The following C11orf65 variants were observed in gnomAD, a reference collection of about 807,000 sequenced individuals.
C11orf65 encodes the protein protein MFI.
Under a neutral mutation model 35.3 loss-of-function variants are expected in C11orf65, and 38 were observed. That is an observed-to-expected ratio of 1.08 (90% CI 0.83 to 1.41). C11orf65 has a LOEUF of 1.41. C11orf65 is among the 40% of genes most tolerant of loss of function. The pLI is 0.00. For missense variants in C11orf65, 370 were observed against 367.1 expected, an observed-to-expected ratio of 1.01 and a Z score of -0.06; for synonymous variants, 105 against 114.4, an observed-to-expected ratio of 0.92 and a Z score of 0.53.
At chr11:108,405,402 TC>T (rs755426869) in intron 6 of C11orf65, 26 bp downstream of exon 6, 195 of 1,605,256 alleles carry the variant, frequency 1.2e-4, no homozygotes, top group Middle Eastern at 3.3e-4. Context: ...ACTACGTATT[TC>T]CTTAGTAAGT....
chr11:108,449,421 C>G (rs1344624445), intron 2 of C11orf65, among the ~76,000 whole-genome samples: 2 of 151,958 alleles, frequency 1.3e-5, no homozygotes, highest in Non-Finnish European at 2.9e-5. Flanking sequence ...CAGCATGGTA[C>G]TGGTACCAAA....
chr11:108,322,412 C>T (rs1037586150), intron 6 of C11orf65, among the ~76,000 whole-genome samples: 4 of 152,230 alleles, frequency 2.6e-5, no homozygotes, highest in African/African-American at 9.6e-5. Context: ...CTTCAGCCTC[C>T]CAAAGTGCTG....
intron 2 of C11orf65, among the ~76,000 whole-genome samples, chr11:108,438,618 G>T (rs1302951896): frequency 2.0e-5 from 3 of 151,968 alleles, no homozygotes; most frequent in African/African-American, 7.2e-5. Flanking sequence ...GAAAATATGG[G>T]GGAAAAGCTT....
chr11:108,416,581 G>C (rs1428521953), intron 3 of C11orf65, among the ~76,000 whole-genome samples: 1 of 152,102 alleles, frequency 6.6e-6, no homozygotes, highest in Non-Finnish European at 1.5e-5. Context: ...GGGACACTGA[G>C]GCAGGAGAAT....
intron 7 of C11orf65, among the ~76,000 whole-genome samples, chr11:108,390,809 T>C (rs915546015): frequency 6.6e-6 from 1 of 152,232 alleles, no homozygotes; most frequent in Non-Finnish European, 1.5e-5. Context: ...ATAGGGAATC[T>C]CAAGACTGAG....
At chr11:108,337,298 G>T (rs1352164289) in intron 2 of C11orf65, among the ~76,000 whole-genome samples, 1 of 152,174 alleles carries the variant, frequency 6.6e-6, no homozygotes, top group Non-Finnish European at 1.5e-5. Flanking sequence ...GGAACCTTCT[G>T]CAATAATAAC....
chr11:108,308,950 T>C (rs1434014950), exon 7 of C11orf65: 3 of 1,440,836 alleles, frequency 2.1e-6, no homozygotes, highest in South Asian at 2.4e-5. Context: ...CAGTTTTACC[T>C]TTGAGTCATT....
chr11:108,331,312 A>G (rs982099779), downstream of C11orf65: 3 of 1,450,276 alleles, frequency 2.1e-6, no homozygotes, highest in Non-Finnish European at 2.7e-6. Flanking sequence ...AAGGAAAACA[A>G]TATAGTTAGT....
At chr11:108,397,763 A>G (rs1382624303) in intron 6 of C11orf65, among the ~76,000 whole-genome samples, 1 of 151,540 alleles carries the variant, frequency 6.6e-6, no homozygotes, top group Non-Finnish European at 1.5e-5. Context: ...TGTAACACCC[A>G]GTCATAAGAA....
intron 2 of C11orf65, among the ~76,000 whole-genome samples, chr11:108,452,933 A>G (rs1055017372): frequency 1.4e-5 from 2 of 141,906 alleles, no homozygotes; most frequent in African/African-American, 5.3e-5. Flanking sequence ...GCTCCCTCAT[A>G]GGTGGGAATT....
chr11:108,443,539 C>T (rs993595859), intron 2 of C11orf65, among the ~76,000 whole-genome samples: 13 of 152,248 alleles, frequency 8.5e-5, no homozygotes, highest in Middle Eastern at 3.4e-3. Flanking sequence ...CAGCATCACA[C>T]GACACCTATC....
chr11:108,385,831 C>T (rs935305859), intron 8 of C11orf65, 89 bp downstream of exon 8: 1 of 1,076,840 alleles, frequency 9.3e-7, no homozygotes, highest in African/African-American at 1.6e-5. Flanking sequence ...ATGCAGATTA[C>T]TGAAATGTTA....
chr11:108,466,646 T>C (rs751356395), intron 1 of C11orf65, among the ~76,000 whole-genome samples: 37 of 152,212 alleles, frequency 2.4e-4, no homozygotes, highest in Non-Finnish European at 4.7e-4. Flanking sequence ...TGAAGTATTT[T>C]ACTACACCCA....
intron 2 of C11orf65, among the ~76,000 whole-genome samples, chr11:108,376,894 T>C (rs2091743091): frequency 6.6e-6 from 1 of 151,888 alleles, no homozygotes; most frequent in African/African-American, 2.4e-5. Flanking sequence ...AATGGATAAA[T>C]TCCTCGACAC....
Position 108,317,527 on chromosome 11 carries a change from A to C in C11orf65, c.641-8456T>G, listed in dbSNP as rs750501197. ...GACCATTGCACTTCCGTCAGGTAAG[A>C]AATTTGACTTGATTTTTTTTTTTTT... On this transcript the variant is annotated intron_variant, in intron 6 of 6. Coordinates refer to the C11orf65 transcript ENST00000525729. 17 of 1,599,686 alleles carry C rather than the reference A, an allele frequency of 1.1e-5. No individual in the cohort carries two copies. The highest frequency in any genetic ancestry group is 1.7e-5 in the Admixed American group (1 of 59,384).
chr11:108,357,825 T>C (rs951712795), intron 2 of C11orf65, among the ~76,000 whole-genome samples: 2 of 151,354 alleles, frequency 1.3e-5, no homozygotes, highest in Admixed American at 1.3e-4. Flanking sequence ...CAAAAGTAGA[T>C]AAAACCACAA....
intron 2 of C11orf65, among the ~76,000 whole-genome samples, chr11:108,438,693 C>CA (rs1328431158): frequency 4.6e-5 from 7 of 151,866 alleles, no homozygotes; most frequent in African/African-American, 1.7e-4. Context: ...ACAAAATGAA[C>CA]AAAAAGATAA....
At chr11:108,437,422 A>C (rs2093077343) in intron 2 of C11orf65, among the ~76,000 whole-genome samples, 1 of 152,042 alleles carries the variant, frequency 6.6e-6, no homozygotes, top group African/African-American at 2.4e-5. Context: ...ATAGATACTG[A>C]AGGCTGGGTG....
chr11:108,466,904 G>A (rs947319612), intron 1 of C11orf65, among the ~76,000 whole-genome samples: 1 of 152,166 alleles, frequency 6.6e-6, no homozygotes, highest in African/African-American at 2.4e-5. Flanking sequence ...ATAAACAAAT[G>A]ATTCGCGTGG....
Sources: gnomAD v4.1 joint callset for allele counts (sites outside exome capture counted in the v4.1 genomes callset) on GRCh38, gnomAD v4.1.1 for gene constraint, MANE v1.5 for transcripts, NCBI Gene and HGNC (gene_info 2026-07-23, HGNC 2026-07-21) for gene names.